ZNF804A: variants seen among roughly 807,000 people sequenced by gnomAD.
ZNF804A encodes the protein zinc finger protein 804A.
ZNF804A carries 2 observed loss-of-function variants against 16.5 expected under a neutral mutation model. The ratio of observed to expected loss-of-function variants is 0.12; its 90% CI spans 0.05 to 0.38. The LOEUF is 0.38. Among genes scored for constraint, ZNF804A ranks in the 10% least tolerant of loss-of-function variants. The probability of loss-of-function intolerance (pLI) is 0.99; values close to 1 mark genes in which losing one functional copy is unlikely to be tolerated. For missense variants in ZNF804A, 1,473 were observed against 1,390.7 expected (o/e 1.06, Z -0.94); for synonymous variants, 534 against 489.6 (o/e 1.09, Z -1.20).
At chr2:184,846,293 C>T (rs979213574) in intron 1 of ZNF804A, among the ~76,000 whole-genome samples, 1 of 152,060 alleles carries the variant, frequency 6.6e-6, no homozygotes, top group Non-Finnish European at 1.5e-5. Flanking sequence ...TCCTGCCTTA[C>T]CCAAGACTAC....
intron 1 of ZNF804A, among the ~76,000 whole-genome samples, chr2:184,701,047 G>A (rs1313281535): frequency 6.6e-6 from 1 of 151,718 alleles, no homozygotes; most frequent in Non-Finnish European, 1.5e-5. Context: ...ATGTGGCAAA[G>A]GACACCACAT....
At position 184,704,341 on chromosome 2, in the gene ZNF804A, G is replaced by A. The variant is rs867245870; in HGVS notation, c.111+105271G>A. Among the ~76,000 whole-genome samples the A allele has an allele frequency of 6.6e-5, 10 of 152,004 alleles. No homozygotes were observed. The South Asian group carries it at 8.3e-4, about 13-fold the overall frequency. On this transcript the variant is annotated intron_variant, in intron 1 of 3. Transcript: ENST00000302277. ...CTAATTTTGTAGTTTTAGTAGAGAC[G>A]GGGTTTCTCCATATTGGTCAGGCTG...
intron 2 of ZNF804A, among the ~76,000 whole-genome samples, chr2:184,872,499 T>C (rs1695991641): frequency 6.6e-6 from 1 of 151,920 alleles, no homozygotes; most frequent in Non-Finnish European, 1.5e-5. Context: ...AAAAACAAAA[T>C]TAAATACCAA....
At chr2:184,852,955 A>G (rs1045801543) in intron 1 of ZNF804A, among the ~76,000 whole-genome samples, 55 of 151,396 alleles carry the variant, frequency 3.6e-4, no homozygotes, top group African/African-American at 1.3e-3. Context: ...TAAATTTAGG[A>G]TTTTTTTTCT....
chr2:184,738,282 A>T (rs1693662937), intron 1 of ZNF804A, among the ~76,000 whole-genome samples: 1 of 152,178 alleles, frequency 6.6e-6, no homozygotes, highest in Non-Finnish European at 1.5e-5. Flanking sequence ...GCACTGCTAA[A>T]AAAAAAGGAC....
intron 1 of ZNF804A, among the ~76,000 whole-genome samples, chr2:184,742,319 A>G (rs1693720263): frequency 6.6e-6 from 1 of 151,996 alleles, no homozygotes; most frequent in South Asian, 2.1e-4. Flanking sequence ...TTTGAAAAAA[A>G]TTATGGCTTA....
chr2:184,647,362 G>A (rs573071680), intron 1 of ZNF804A, among the ~76,000 whole-genome samples: 3 of 152,214 alleles, frequency 2.0e-5, no homozygotes, highest in East Asian at 1.9e-4. Flanking sequence ...CGCCAACAAA[G>A]GATCACATTA....
intron 1 of ZNF804A, among the ~76,000 whole-genome samples, chr2:184,776,776 A>G (rs1694291009): frequency 6.6e-6 from 1 of 151,524 alleles, no homozygotes; most frequent in Non-Finnish European, 1.5e-5. Context: ...CCTATTGGAC[A>G]TTAGCCAGTT....
chr2:184,654,188 A>C (rs1166261812), intron 1 of ZNF804A, among the ~76,000 whole-genome samples: 1 of 152,210 alleles, frequency 6.6e-6, no homozygotes, highest in Non-Finnish European at 1.5e-5. Flanking sequence ...CCCGGTTCTG[A>C]TGCCATCATT....
intron 1 of ZNF804A, among the ~76,000 whole-genome samples, chr2:184,691,427 A>G (rs1266760531): frequency 1.3e-5 from 2 of 151,694 alleles, no homozygotes; most frequent in Non-Finnish European, 2.9e-5. Flanking sequence ...ATATATATAT[A>G]TAGTAAATGT....
At chr2:184,747,321 C>CAAAAAAA (rs397986917) in intron 1 of ZNF804A, among the ~76,000 whole-genome samples, 25 of 78,040 alleles carry the variant, frequency 3.2e-4, no homozygotes, top group Non-Finnish European at 3.8e-4. Flanking sequence ...AATCTTGCTG[C>CAAAAAAA]AAAAAAAAAA....
chr2:184,803,818 A>G (rs1323113780), intron 1 of ZNF804A, among the ~76,000 whole-genome samples: 3 of 146,252 alleles, frequency 2.1e-5, no homozygotes, highest in African/African-American at 7.8e-5. Flanking sequence ...CTGTCTTCAC[A>G]TGGCTTTCTC....
intron 1 of ZNF804A, among the ~76,000 whole-genome samples, chr2:184,840,388 CA>C (rs886377627): frequency 1.3e-3 from 189 of 146,064 alleles, no homozygotes; most frequent in Non-Finnish European, 1.9e-3. Flanking sequence ...TGTCTCAAAA[CA>C]AAAAAAAAAG....
chr2:184,819,048 C>T (rs1399405992), intron 1 of ZNF804A, among the ~76,000 whole-genome samples: 1 of 151,740 alleles, frequency 6.6e-6, no homozygotes, highest in Non-Finnish European at 1.5e-5. Flanking sequence ...CTTCAACTCA[C>T]CTCTAGATCA....
chr2:184,885,066 G>A (rs896632737), intron 2 of ZNF804A, among the ~76,000 whole-genome samples: 1 of 151,990 alleles, frequency 6.6e-6, no homozygotes, highest in African/African-American at 2.4e-5. Context: ...TGCAAAAGAA[G>A]ATATACACAT....
intron 1 of ZNF804A, among the ~76,000 whole-genome samples, chr2:184,605,959 A>T (rs1005374348): frequency 6.6e-5 from 10 of 152,134 alleles, no homozygotes; most frequent in Admixed American, 6.6e-5. Flanking sequence ...CTGAGGTATT[A>T]CTCTGAATTC....
In ZNF804A at chr2:184,715,885, C is replaced by T. The variant is rs555139921; in HGVS notation, c.111+116815C>T. Among the ~76,000 whole-genome samples the T allele has an allele frequency of 2.4e-4, 36 of 152,162 alleles. No individual in the cohort carries two copies. The South Asian group carries it at 3.1e-3, about 13-fold the overall frequency. On this transcript the variant is annotated intron_variant, in intron 1 of 3. Transcript: ENST00000302277. ...TTTTCACTAAATCTGCTTTGCTTCA[C>T]GCGGGTTTTGGCTCATAATAGGCAT...
At chr2:184,888,467 C>T (rs1449441619) in intron 2 of ZNF804A, among the ~76,000 whole-genome samples, 1 of 152,140 alleles carries the variant, frequency 6.6e-6, no homozygotes, top group East Asian at 1.9e-4. Context: ...AAAGCATCCA[C>T]CTTGTTATTT....
intron 2 of ZNF804A, among the ~76,000 whole-genome samples, chr2:184,924,795 A>G (rs80228785): frequency 0.043 from 6,595 of 151,622 alleles, 465 homozygotes; most frequent in African/African-American, 0.15. Context: ...CTCTTTATTG[A>G]CCTACTGATC....
Sources: gnomAD v4.1 joint callset for allele counts (sites outside exome capture counted in the v4.1 genomes callset) on GRCh38, gnomAD v4.1.1 for gene constraint, MANE v1.5 for transcripts, NCBI Gene and HGNC (gene_info 2026-07-23, HGNC 2026-07-21) for gene names.